Variants in PTPRM observed in about 807,000 individuals in gnomAD.
PTPRM encodes the protein protein tyrosine phosphatase receptor type M, also known as receptor-type tyrosine-protein phosphatase mu.
PTPRM carries 47 observed loss-of-function variants against 186.7 expected under a neutral mutation model. That is an observed-to-expected ratio of 0.25 (90% CI 0.20 to 0.32). The LOEUF is 0.32. Ranked by LOEUF, PTPRM falls within the 10% of genes least tolerant of loss-of-function variation. The pLI is 1.00. For synonymous variants in PTPRM, 668 were observed against 674.9 expected, an observed-to-expected ratio of 0.99 and a Z score of 0.16; for missense variants, 1,494 against 1,865.0, an observed-to-expected ratio of 0.80 and a Z score of 3.66.
chr18:7,851,792 A>T (rs894758), intron 2 of PTPRM, among the ~76,000 whole-genome samples: 12,835 of 152,208 alleles, frequency 0.084, 600 homozygotes, highest in South Asian at 0.2. Context: ...CTGGAGGTAA[A>T]TCTGAATAAA....
At chr18:7,913,425 G>GA (rs2050386648) in intron 4 of PTPRM, among the ~76,000 whole-genome samples, 1 of 152,180 alleles carries the variant, frequency 6.6e-6, no homozygotes, top group African/African-American at 2.4e-5. Context: ...CATCTTAGGA[G>GA]GAAAGCTTTC....
chr18:8,289,288 A>G (rs2147813961), intron 19 of PTPRM, among the ~76,000 whole-genome samples: 1 of 151,814 alleles, frequency 6.6e-6, no homozygotes, highest in East Asian at 1.9e-4. Flanking sequence ...TGGAAAAGGC[A>G]CTTGTAAAAT....
chr18:7,996,957 C>G lies in PTPRM; in HGVS notation c.1132+41543C>G, dbSNP rs527939621. On this transcript the variant is annotated intron_variant, in intron 7 of 32. Transcript: ENST00000580170. ...ATTATTAAATAATATTCTTAAAATA[C>G]CTGTATTACCTAAAGCAATCCATAG... Among the ~76,000 whole-genome samples the G allele has an allele frequency of 2.3e-4, 35 of 152,074 alleles. 1 individual carries two copies. In the South Asian group the frequency reaches 7.3e-3, roughly 32 times the overall value.
chr18:7,953,726 C>T (rs1017238941), intron 6 of PTPRM, among the ~76,000 whole-genome samples: 3 of 152,120 alleles, frequency 2.0e-5, no homozygotes, highest in African/African-American at 4.8e-5. Context: ...GGAGTTTACC[C>T]GGTATCAGCT....
intron 20 of PTPRM, among the ~76,000 whole-genome samples, chr18:8,305,621 C>T (rs548379143): frequency 1.3e-5 from 2 of 152,216 alleles, no homozygotes; most frequent in East Asian, 1.9e-4. Flanking sequence ...TCCTAACCTC[C>T]GTGCTCCACT....
Position 8,314,786 on chromosome 18 carries a change from C to A in PTPRM, c.2848C>A (p.His950Asn). 1 of 1,611,404 alleles carries A rather than the reference C, an allele frequency of 6.2e-7. No homozygotes were observed. Among genetic ancestry groups the A allele is most frequent in the South Asian group, 1.1e-5 (1 of 90,648 alleles). Residue 950 changes from histidine to asparagine, a missense_variant, in exon 21 of 33, where the codon CAT (histidine) becomes AAT (asparagine). By Grantham distance (68) the His-to-Asn change is moderately conservative. Around this residue, in one of 3 missense-constraint regions of PTPRM, gnomAD observed 1,107 missense variants for 1,350.2 expected, o/e 0.82. Coordinates refer to ENST00000580170, the MANE Select transcript of PTPRM (RefSeq NM_001105244.2). ...NRYGNIIAYD[H>N]SRVRLQTIEG... The stretch of plus-strand genomic sequence containing the variant: ...CTGTCCCTTTTCCTTTGCAGACGAT[C>A]ATTCCCGAGTGAGGCTGCAGACAAT...
At chr18:7,655,421 G>A (rs1256889776) in intron 1 of PTPRM, among the ~76,000 whole-genome samples, 1 of 152,182 alleles carries the variant, frequency 6.6e-6, no homozygotes, top group Non-Finnish European at 1.5e-5. Flanking sequence ...TGGCAAGGAT[G>A]TGGAACAAGA....
intron 2 of PTPRM, among the ~76,000 whole-genome samples, chr18:7,828,899 G>T (rs2045624259): frequency 6.6e-6 from 1 of 152,104 alleles, no homozygotes; most frequent in South Asian, 2.1e-4. Context: ...ACAAATGAAT[G>T]ATGGCATTAT....
chr18:8,295,458 CCT>C (rs1568686307), intron 19 of PTPRM, among the ~76,000 whole-genome samples: 1 of 152,040 alleles, frequency 6.6e-6, no homozygotes, highest in East Asian at 1.9e-4. Context: ...GACACGAGTC[CCT>C]AATGCCATGT....
chr18:7,702,033 CT>C (rs2039977814), intron 1 of PTPRM, among the ~76,000 whole-genome samples: 2 of 152,206 alleles, frequency 1.3e-5, no homozygotes, highest in Admixed American at 1.3e-4. Flanking sequence ...GGAACTCATC[CT>C]TTTTTATGGC....
chr18:7,869,559 G>C (rs1189361820), intron 2 of PTPRM, among the ~76,000 whole-genome samples: 1 of 152,102 alleles, frequency 6.6e-6, no homozygotes, highest in Non-Finnish European at 1.5e-5. Context: ...TGATGAGCTG[G>C]GTACCTCAGT....
intron 3 of PTPRM, among the ~76,000 whole-genome samples, chr18:7,891,514 T>C (rs1032829910): frequency 2.0e-5 from 3 of 152,124 alleles, no homozygotes; most frequent in African/African-American, 7.2e-5. Context: ...GACCAATCAG[T>C]AGTTTAAAGC....
At chr18:7,646,751 T>G (rs2038573872) in intron 1 of PTPRM, among the ~76,000 whole-genome samples, 1 of 152,172 alleles carries the variant, frequency 6.6e-6, no homozygotes, top group African/African-American at 2.4e-5. Context: ...CTCAGAGCGC[T>G]TTGTTAGTGA....
At chr18:7,820,725 C>T (rs781234760) in intron 2 of PTPRM, among the ~76,000 whole-genome samples, 109 of 152,258 alleles carry the variant, frequency 7.2e-4, no homozygotes, top group Non-Finnish European at 1.3e-3. Flanking sequence ...AGCCACCTCC[C>T]GTGGGTGACT....
At chr18:7,917,148 A>G (rs1192596347) in intron 4 of PTPRM, among the ~76,000 whole-genome samples, 1 of 152,230 alleles carries the variant, frequency 6.6e-6, no homozygotes, top group Admixed American at 6.5e-5. Flanking sequence ...AAGCTCCTTC[A>G]TACCCTGATG....
chr18:8,078,351 A>G (rs2089943870), intron 9 of PTPRM, among the ~76,000 whole-genome samples: 1 of 152,194 alleles, frequency 6.6e-6, no homozygotes, highest in Non-Finnish European at 1.5e-5. Context: ...ACCCAGATTC[A>G]GTACCTCTCT....
intron 10 of PTPRM, among the ~76,000 whole-genome samples, chr18:8,086,377 A>C (rs1161110696): frequency 6.6e-6 from 1 of 152,118 alleles, no homozygotes; most frequent in African/African-American, 2.4e-5. Context: ...TTAGAGACTT[A>C]ATTATGCCAT....
intron 4 of PTPRM, among the ~76,000 whole-genome samples, chr18:7,915,397 T>A (rs1415132583): frequency 1.3e-5 from 2 of 152,124 alleles, no homozygotes; most frequent in African/African-American, 4.8e-5. Flanking sequence ...TTGAAATTTC[T>A]GTTCTAAAGG....
chr18:7,999,662 A>G (rs1273301977), intron 7 of PTPRM, among the ~76,000 whole-genome samples: 1 of 151,776 alleles, frequency 6.6e-6, no homozygotes, highest in East Asian at 2.0e-4. Flanking sequence ...ATTTTGCACC[A>G]ACCTAATATA....
Sources: allele counts gnomAD v4.1 joint callset (sites outside exome capture counted in the v4.1 genomes callset), GRCh38; gene constraint gnomAD v4.1.1; regional missense constraint gnomAD v4.1.1; transcripts MANE v1.5; gene names NCBI Gene and HGNC (gene_info 2026-07-23, HGNC 2026-07-21).